The following KCNIP4 variants were observed in gnomAD, a reference collection of about 807,000 sequenced individuals.
KCNIP4 encodes the protein Kv channel-interacting protein 4.
Under a neutral mutation model 34.0 loss-of-function variants are expected in KCNIP4, and 12 were observed. The ratio of observed to expected loss-of-function variants is 0.35; its 90% CI spans 0.23 to 0.57. The LOEUF (loss-of-function observed/expected upper bound fraction) is 0.57. Among genes scored for constraint, KCNIP4 ranks in the 20% least tolerant of loss-of-function variants. The probability of loss-of-function intolerance (pLI) is 0.83; values close to 1 mark genes in which losing one functional copy is unlikely to be tolerated. For synonymous variants in KCNIP4, 124 were observed against 102.2 expected (o/e 1.21, Z -1.29); for missense variants, 238 against 311.7 (o/e 0.76, Z 1.78).
intron 1 of KCNIP4, among the ~76,000 whole-genome samples, chr4:21,575,518 CCTT>C (rs1740686327): frequency 6.6e-6 from 1 of 152,100 alleles, no homozygotes; most frequent in Non-Finnish European, 1.5e-5. Flanking sequence ...CTTCCCCTCC[CCTT>C]CTTCCTCTTT....
intron 1 of KCNIP4, among the ~76,000 whole-genome samples, chr4:20,909,911 T>G (rs1001466558): frequency 7.1e-4 from 108 of 152,226 alleles, no homozygotes; most frequent in African/African-American, 2.5e-3. Context: ...GGCCAAAAGA[T>G]TCCCACAGCT....
At chr4:21,179,786 G>GT (rs200987444) in intron 1 of KCNIP4, among the ~76,000 whole-genome samples, 13 of 152,196 alleles carry the variant, frequency 8.5e-5, no homozygotes, top group Non-Finnish European at 1.8e-4. Flanking sequence ...AGAAAACAAT[G>GT]TTTTTTAAAA....
chr4:21,531,092 A>G (rs1414176698), intron 1 of KCNIP4, among the ~76,000 whole-genome samples: 4 of 152,190 alleles, frequency 2.6e-5, no homozygotes, highest in African/African-American at 9.7e-5. Flanking sequence ...AATCATGACT[A>G]CTTGCAGAAG....
At chr4:21,193,177 C>T (rs1303206724) in intron 1 of KCNIP4, among the ~76,000 whole-genome samples, 1 of 151,588 alleles carries the variant, frequency 6.6e-6, no homozygotes, top group Non-Finnish European at 1.5e-5. Context: ...CATAAATGAT[C>T]ACAGCCTAGG....
At chr4:20,731,654 T>TA in intron 8 of KCNIP4, 1 of 985,256 alleles carries the variant, frequency 1.0e-6, no homozygotes, top group Non-Finnish European at 1.2e-6. Flanking sequence ...GCTGTGGAGA[T>TA]ATGATAGATA....
chr4:20,943,204 G>A (rs1731830032), intron 1 of KCNIP4, among the ~76,000 whole-genome samples: 1 of 152,108 alleles, frequency 6.6e-6, no homozygotes, highest in Non-Finnish European at 1.5e-5. Context: ...TGAATTTGGT[G>A]AGGAATTCAG....
chr4:21,556,927 A>AC (rs1474038603), intron 1 of KCNIP4, among the ~76,000 whole-genome samples: 1 of 148,856 alleles, frequency 6.7e-6, no homozygotes, highest in Non-Finnish European at 1.5e-5. Flanking sequence ...TCTCAGAAAA[A>AC]AAAAAAAAAA....
chr4:21,755,242 A>G (rs1053647674), intron 1 of KCNIP4, among the ~76,000 whole-genome samples: 4 of 152,168 alleles, frequency 2.6e-5, no homozygotes, highest in African/African-American at 9.7e-5. Flanking sequence ...CTCAACCTCA[A>G]CTTTCATATC....
intron 3 of KCNIP4, among the ~76,000 whole-genome samples, chr4:20,814,662 C>T (rs1377099595): frequency 6.6e-6 from 1 of 152,074 alleles, no homozygotes; most frequent in African/African-American, 2.4e-5. Context: ...CAGGTGGGAC[C>T]AAGGGAGTAC....
intron 5 of KCNIP4, among the ~76,000 whole-genome samples, chr4:20,736,845 CCAGT>C (rs943085328): frequency 6.6e-6 from 1 of 152,020 alleles, no homozygotes; most frequent in African/African-American, 2.4e-5. Context: ...CCTGAATAGC[CCAGT>C]CAATTTTAAG....
chr4:21,685,802 G>C (rs1482995601), intron 1 of KCNIP4, among the ~76,000 whole-genome samples: 1 of 152,182 alleles, frequency 6.6e-6, no homozygotes, highest in Non-Finnish European at 1.5e-5. Flanking sequence ...GTACCACTTT[G>C]AGTGCAAACA....
intron 3 of KCNIP4, among the ~76,000 whole-genome samples, chr4:20,839,641 G>A (rs1409541465): frequency 6.6e-6 from 1 of 152,024 alleles, no homozygotes. Context: ...GTACTGGCAT[G>A]ATAATAATGG....
chr4:21,365,212 C>T (rs7671666), intron 1 of KCNIP4, among the ~76,000 whole-genome samples: 91,425 of 151,882 alleles, frequency 0.6, 27,884 homozygotes, highest in East Asian at 0.63. Context: ...AAGGCCAGTG[C>T]GGTGGTTCAT....
At chr4:21,877,923 T>G (rs556398105) in intron 1 of KCNIP4, among the ~76,000 whole-genome samples, 1 of 152,338 alleles carries the variant, frequency 6.6e-6, no homozygotes, top group South Asian at 2.1e-4. Flanking sequence ...CAGAGCCTTC[T>G]CAGAACAATT....
chr4:21,370,842 T>TAC (rs1720332007), intron 1 of KCNIP4, among the ~76,000 whole-genome samples: 24 of 27,222 alleles, frequency 8.8e-4, no homozygotes, highest in Non-Finnish European at 7.4e-4. Context: ...TATATATATA[T>TAC]ATATATATAC....
intron 1 of KCNIP4, among the ~76,000 whole-genome samples, chr4:21,113,032 T>G (rs987794120): frequency 6.6e-6 from 1 of 152,202 alleles, no homozygotes; most frequent in Admixed American, 6.5e-5. Context: ...ATACACAATG[T>G]CAATACTTAG....
chr4:21,704,352 T>C (rs1713101819), intron 1 of KCNIP4, among the ~76,000 whole-genome samples: 1 of 151,992 alleles, frequency 6.6e-6, no homozygotes, highest in African/African-American at 2.4e-5. Context: ...AAAGGAAAAA[T>C]TAATAAATTA....
At chr4:21,352,065 C>G (rs528802170) in intron 1 of KCNIP4, among the ~76,000 whole-genome samples, 1 of 152,078 alleles carries the variant, frequency 6.6e-6, no homozygotes, top group Non-Finnish European at 1.5e-5. Flanking sequence ...CATGACCCTA[C>G]GAATAGCCCT....
rs187014742 is a variant in KCNIP4 at position 21,709,131 on chromosome 4, A to C, written c.61+239440T>G. Among the ~76,000 whole-genome samples the C allele has an allele frequency of 1.6e-3, 242 of 151,282 alleles. 1 individual carries two copies. Among genetic ancestry groups the C allele is most frequent in the Non-Finnish European group, 2.2e-3 (151 of 67,692 alleles). ...CATTCTGTTGTGAGGTGAGATCCCCAAAAAAAAACAATTGTGAGTCTGGGG... is the reference window on the plus strand; with the variant it reads ...CATTCTGTTGTGAGGTGAGATCCCCCAAAAAAAACAATTGTGAGTCTGGGG... On this transcript the variant is annotated intron_variant, in intron 1 of 8. Coordinates refer to ENST00000382152, the MANE Select transcript of KCNIP4 (RefSeq NM_025221.6).
Sources: allele counts gnomAD v4.1 joint callset (sites outside exome capture counted in the v4.1 genomes callset), GRCh38; gene constraint gnomAD v4.1.1; transcripts MANE v1.5; gene names NCBI Gene and HGNC (gene_info 2026-07-23, HGNC 2026-07-21).